Variants in ZNF385D observed in about 807,000 individuals in gnomAD.
ZNF385D encodes the protein zinc finger protein 659.
A neutral mutation model predicts 35.8 loss-of-function variants in ZNF385D; 15 were observed. That is an observed-to-expected ratio of 0.42 (90% CI 0.28 to 0.64). ZNF385D has a LOEUF of 0.64. Ranked by LOEUF, ZNF385D falls within the 30% of genes least tolerant of loss-of-function variation. The pLI is 0.23. For synonymous variants in ZNF385D, 212 were observed against 186.8 expected (o/e 1.13, Z -1.10); for missense variants, 474 against 494.6 (o/e 0.96, Z 0.39).
At position 21,936,219 on chromosome 3, in the gene ZNF385D, T is replaced by A. The variant is rs77460140; in HGVS notation, c.325+232598A>T. On this transcript the variant is annotated intron_variant, in intron 3 of 5. Transcript: ENST00000494108. ...TATTCACATCACCAGATGAGAGAAA[T>A]CTTGTTTGGGAGAAAGGAGACACAG... Among the ~76,000 whole-genome samples the A allele has an allele frequency of 6.9e-3, 1,052 of 152,154 alleles. 12 individuals carry two copies. Among genetic ancestry groups the A allele is most frequent in the African/African-American group, 0.024 (988 of 41,522 alleles).
intron 3 of ZNF385D, among the ~76,000 whole-genome samples, chr3:21,857,792 G>C (rs1228742460): frequency 2.0e-5 from 3 of 151,824 alleles, no homozygotes; most frequent in African/African-American, 7.3e-5. Context: ...GCAATTCAGA[G>C]AGGAGTCACC....
At chr3:21,963,781 A>G (rs751457298) in intron 3 of ZNF385D, among the ~76,000 whole-genome samples, 11 of 152,200 alleles carry the variant, frequency 7.2e-5, no homozygotes, top group Non-Finnish European at 1.0e-4. Context: ...AAATGTATGT[A>G]TGCCCAGAAT....
At chr3:22,011,095 G>T (rs1576147885) in intron 3 of ZNF385D, among the ~76,000 whole-genome samples, 1 of 152,002 alleles carries the variant, frequency 6.6e-6, no homozygotes. Flanking sequence ...TCCCCAAATT[G>T]TTTCCAGAAG....
chr3:21,651,287 CAAAAAAAAAAAAAA>C (rs71044931), intron 2 of ZNF385D, among the ~76,000 whole-genome samples: 31 of 80,118 alleles, frequency 3.9e-4, no homozygotes, highest in South Asian at 6.2e-4. Flanking sequence ...GACTTCATCT[CAAAAAAAAAAAAAA>C]AAAAAAAAAA....
intron 2 of ZNF385D, among the ~76,000 whole-genome samples, chr3:22,354,093 A>C (rs565811451): frequency 3.2e-4 from 49 of 152,036 alleles, no homozygotes; most frequent in Non-Finnish European, 6.0e-4. Flanking sequence ...TCTGCTTCTC[A>C]CTAGCATCCC....
intron 3 of ZNF385D, among the ~76,000 whole-genome samples, chr3:22,060,208 C>G (rs1228492391): frequency 6.6e-6 from 1 of 152,150 alleles, no homozygotes; most frequent in Non-Finnish European, 1.5e-5. Flanking sequence ...TTGCAGATGA[C>G]AGATTTTGGA....
chr3:22,126,077 G>GCA (rs1703409162), intron 3 of ZNF385D, among the ~76,000 whole-genome samples: 1 of 151,978 alleles, frequency 6.6e-6, no homozygotes, highest in Non-Finnish European at 1.5e-5. Flanking sequence ...TTTTGTTGAG[G>GCA]TATGTTCCTT....
intron 3 of ZNF385D, among the ~76,000 whole-genome samples, chr3:22,058,996 C>G (rs549285478): frequency 6.6e-6 from 1 of 152,070 alleles, no homozygotes; most frequent in Non-Finnish European, 1.5e-5. Context: ...TTTCAATCAC[C>G]CCTAAACCTC....
intron 3 of ZNF385D, among the ~76,000 whole-genome samples, chr3:22,000,683 C>T (rs1365268903): frequency 6.6e-6 from 1 of 151,414 alleles, no homozygotes; most frequent in Non-Finnish European, 1.5e-5. Flanking sequence ...AAAGAACCTC[C>T]AACAGACTAA....
chr3:21,984,596 G>A (rs1694698958), intron 3 of ZNF385D, among the ~76,000 whole-genome samples: 1 of 104,466 alleles, frequency 9.6e-6, no homozygotes, highest in Middle Eastern at 3.8e-3. Context: ...AAGTCAGGTA[G>A]TGTGATGCCT....
intron 3 of ZNF385D, among the ~76,000 whole-genome samples, chr3:22,156,388 C>T (rs181702886): frequency 1.3e-5 from 2 of 152,152 alleles, no homozygotes; most frequent in East Asian, 3.9e-4. Context: ...TACACAGCCC[C>T]CCTGCCCCTG....
In ZNF385D at chr3:21,895,358, C is replaced by A. The variant is rs142748615; in HGVS notation, c.326-230330G>T. On this transcript the variant is annotated intron_variant, in intron 3 of 5. Coordinates refer to the ZNF385D transcript ENST00000494108. ...TTTTTTTTTTTTTAAGACAGAGTCT[C>A]ACTCTGTCACCCTGACTGCAGTGTA... Among the ~76,000 whole-genome samples, 41 of 119,440 alleles carry A rather than the reference C, an allele frequency of 3.4e-4. 1 individual carries two copies. In the East Asian group the frequency reaches 0.012, roughly 34 times the overall value. The allele number at this position is 119,440 out of a possible 152,430, so 78.4% of individuals were successfully genotyped here. A position where few individuals can be genotyped will look rare whatever the true frequency, so the allele number is the denominator to read the frequency against.
intron 3 of ZNF385D, among the ~76,000 whole-genome samples, chr3:21,895,441 C>T (rs963317126): frequency 6.7e-6 from 1 of 149,746 alleles, no homozygotes; most frequent in African/African-American, 2.5e-5. Flanking sequence ...ATTCTCCTGC[C>T]TCAGCCTCCT....
intron 4 of ZNF385D, among the ~76,000 whole-genome samples, chr3:21,482,082 C>G (rs2125379890): frequency 6.6e-6 from 1 of 152,184 alleles, no homozygotes; most frequent in Admixed American, 6.5e-5. Context: ...AGAACTGAGT[C>G]CAATGAACTA....
chr3:22,065,775 G>A (rs907027868), intron 3 of ZNF385D, among the ~76,000 whole-genome samples: 3 of 152,128 alleles, frequency 2.0e-5, no homozygotes, highest in African/African-American at 7.2e-5. Context: ...CATGACTTAA[G>A]GGCACCAGTG....
At chr3:21,511,321 C>T (rs917732540) in intron 3 of ZNF385D, among the ~76,000 whole-genome samples, 19 of 152,142 alleles carry the variant, frequency 1.2e-4, no homozygotes, top group Admixed American at 1.2e-3. Context: ...TAAGAATTTA[C>T]ACCTGTATCA....
chr3:22,178,913 C>T (rs1220272689), intron 2 of ZNF385D, among the ~76,000 whole-genome samples: 1 of 152,096 alleles, frequency 6.6e-6, no homozygotes, highest in Non-Finnish European at 1.5e-5. Flanking sequence ...GGCATTATTT[C>T]TGAGGGCTCT....
intron 3 of ZNF385D, among the ~76,000 whole-genome samples, chr3:21,790,730 A>C (rs1408297419): frequency 1.3e-5 from 2 of 152,212 alleles, no homozygotes; most frequent in Non-Finnish European, 2.9e-5. Flanking sequence ...ACCTTGGCAG[A>C]CTAGGTCTTT....
intron 3 of ZNF385D, among the ~76,000 whole-genome samples, chr3:21,837,380 C>G (rs1475235008): frequency 6.6e-6 from 1 of 152,058 alleles, no homozygotes; most frequent in Non-Finnish European, 1.5e-5. Flanking sequence ...CTGTTTTCAG[C>G]TGGGAGGTAG....
Sources: allele counts gnomAD v4.1 joint callset (sites outside exome capture counted in the v4.1 genomes callset), GRCh38; gene constraint gnomAD v4.1.1; transcripts MANE v1.5; gene names NCBI Gene and HGNC (gene_info 2026-07-23, HGNC 2026-07-21).